DOK4: variants seen among roughly 807,000 people sequenced by gnomAD.
The protein encoded by DOK4 is downstream of tyrosine kinase 4.
A neutral mutation model predicts 40.1 loss-of-function variants in DOK4; 26 were observed. The ratio of observed to expected loss-of-function variants is 0.65; its 90% CI spans 0.48 to 0.90. The LOEUF (loss-of-function observed/expected upper bound fraction) is 0.90. Ranked by LOEUF, DOK4 falls within the 40% of genes least tolerant of loss-of-function variation. The pLI, the probability that DOK4 is intolerant of heterozygous loss-of-function variation, is 0.00. For missense variants in DOK4, 392 were observed against 437.2 expected, an observed-to-expected ratio of 0.90 and a Z score of 0.92; for synonymous variants, 179 against 177.0, an observed-to-expected ratio of 1.01 and a Z score of -0.09.
rs1384788636 is a variant in DOK4, at chr16:57,485,176, C to G, written c.-182+1129G>C. Among the ~76,000 whole-genome samples, 3 of 152,218 alleles carry G rather than the reference C, an allele frequency of 2.0e-5. No homozygotes were observed. Among genetic ancestry groups the G allele is most frequent in the African/African-American group, 7.2e-5 (3 of 41,458 alleles). The stretch of plus-strand genomic sequence containing the variant: ...CCAGCAGGCTGTTGTTACTGGAGAA[C>G]CAGCTGTGCCCAAGACCCGCAGTTT... On this transcript the variant is annotated intron_variant, in intron 1 of 8. Transcript: ENST00000340099. The surrounding 1 kb of genome is among the most constrained non-coding windows in gnomAD (Gnocchi z 4.3).
exon 9 of DOK4, chr16:57,472,201 TATC>T (rs2030881980): frequency 6.6e-6 from 1 of 152,430 alleles, no homozygotes; most frequent in Non-Finnish European, 1.5e-5. Flanking sequence ...CCGCGTGCTT[TATC>T]ATCCTCCTGC....
chr16:57,482,029 T>C (rs1253379483), intron 1 of DOK4, among the ~76,000 whole-genome samples: 1 of 152,102 alleles, frequency 6.6e-6, no homozygotes, highest in Admixed American at 6.6e-5. Context: ...CATGCTCGGC[T>C]AATTTTCGGT....
rs1012280843 is a variant in DOK4, at chr16:57,479,614, G to T, written c.-107C>A. ...AATCACCTGTTCCAGACACTCTGTC[G>T]GGGCTGCCGCGAGGGGCTGCTCCTC... On this transcript the variant is annotated 5_prime_UTR_variant, in exon 2 of 9. Transcript: ENST00000340099. The surrounding 1 kb of genome is among the most constrained non-coding windows in gnomAD (Gnocchi z 5.8). 9 of 1,272,218 alleles carry T rather than the reference G, an allele frequency of 7.1e-6. No individual in the cohort carries two copies. In the African/African-American group the frequency reaches 1.2e-4, roughly 17 times the overall value. The allele number at this position is 1,272,218 out of a possible 1,614,324, so 78.8% of individuals were successfully genotyped here.
chr16:57,484,327 T>G (rs2031490979), intron 1 of DOK4: 1 of 152,286 alleles, frequency 6.6e-6, no homozygotes, highest in African/African-American at 2.4e-5. Context: ...AGATTGGATC[T>G]GTGGGATTCT....
At chr16:57,474,471 G>A (rs2031046481) in intron 6 of DOK4, among the ~76,000 whole-genome samples, 1 of 152,146 alleles carries the variant, frequency 6.6e-6, no homozygotes, top group Admixed American at 6.5e-5. Context: ...AATTCTAGGA[G>A]GTTAGGTACT....
In DOK4 at chr16:57,485,987, G is replaced by C. The variant is rs1281871241; in HGVS notation, c.-182+318C>G. On this transcript the variant is annotated intron_variant, in intron 1 of 8. Coordinates refer to ENST00000340099, the Ensembl canonical transcript of DOK4. The surrounding 1 kb of genome is among the most constrained non-coding windows in gnomAD (Gnocchi z 4.3). The stretch of plus-strand genomic sequence containing the variant: ...AGGGGCTGGGTTATGCCCCTTCCGG[G>C]GGGGCAGGCCCGGGAGCGCAGGGCC... Among the ~76,000 whole-genome samples the C allele has an allele frequency of 6.6e-6, 1 of 152,176 alleles. No homozygotes were observed. The highest frequency in any genetic ancestry group is 2.4e-5 in the African/African-American group (1 of 41,460).
exon 9 of DOK4, chr16:57,472,901 A>C: frequency 6.3e-6 from 1 of 158,280 alleles, no homozygotes; most frequent in Non-Finnish European, 1.4e-5. Flanking sequence ...GGGAAAAGCC[A>C]GCAGTCAGAG....
Position 57,474,986 on chromosome 16 carries a change from G to C in DOK4, c.410-4C>G, listed in dbSNP as rs776536379. 2 of 1,605,340 alleles carry C rather than the reference G, an allele frequency of 1.2e-6. No homozygotes were observed. Among genetic ancestry groups the C allele is most frequent in the East Asian group, 2.2e-5 (1 of 44,740 alleles). Reference sequence around the variant, plus strand: ...AGCAGGAAGACATTGAAGCGATCTGGAGTGGGGGAGGGTGGACAAGTGGGA... The same window carrying C: ...AGCAGGAAGACATTGAAGCGATCTGCAGTGGGGGAGGGTGGACAAGTGGGA... On this transcript the variant is annotated splice_polypyrimidine_tract_variant and splice_region_variant and intron_variant, in intron 5 of 8. Coordinates refer to ENST00000340099, the Ensembl canonical transcript of DOK4.
At chr16:57,473,407 G>C in exon 9 of DOK4, 1 of 1,614,092 alleles carries the variant, frequency 6.2e-7, no homozygotes, top group Non-Finnish European at 8.5e-7. Context: ...CCTCACTGCT[G>C]TCCCCCTGGC....
intron 2 of DOK4, 138 bp from the exon 3 acceptor site, chr16:57,476,095 G>A: frequency 1.5e-6 from 1 of 686,314 alleles, no homozygotes; most frequent in South Asian, 1.7e-5. Context: ...GGACACCGGG[G>A]GTGGGAGTCA....
intron 5 of DOK4, 23 bp downstream of exon 5, chr16:57,475,077 C>T: frequency 6.2e-7 from 1 of 1,608,928 alleles, no homozygotes; most frequent in Non-Finnish European, 8.5e-7. Context: ...CTCCCCACCC[C>T]CAGGGCCAGG....
intron 2 of DOK4, 191 bp from the exon 3 acceptor site, chr16:57,476,148 T>C (rs995864427): frequency 2.6e-5 from 15 of 587,114 alleles, no homozygotes; most frequent in East Asian, 1.4e-4. Flanking sequence ...CCTCCCCAAA[T>C]TGAAAAGTCA....
At chr16:57,486,078 A>G (rs903817644) in intron 1 of DOK4, among the ~76,000 whole-genome samples, 1 of 151,810 alleles carries the variant, frequency 6.6e-6, no homozygotes, top group African/African-American at 2.4e-5. Context: ...GCTCCCCCGG[A>G]GAGGAAAGCT....
At position 57,479,479 on chromosome 16, in the gene DOK4, T is replaced by C. The variant is rs1467207362; in HGVS notation, c.29A>G (p.Lys10Arg). ...GCTCTTCATCTTCACGTAGCCTTGC[T>C]TGACGATGTCACTGAAATTGGTCGC... is the stretch of plus-strand genomic sequence containing the variant. The change falls in exon 2 of 9, where the codon AAG becomes AGG. Residue 10 changes from lysine (K) to arginine (R), a missense_variant. Transcript: ENST00000340099. This position sits in a 1 kb window ranked among gnomAD's most constrained non-coding sequence, Gnocchi z 5.8. 1 of 1,613,702 alleles carries C rather than the reference T, an allele frequency of 6.2e-7. No homozygotes were observed. The highest frequency in any genetic ancestry group is 8.5e-7 in the Non-Finnish European group (1 of 1,179,948).
At chr16:57,481,530 C>G (rs1369828722) in intron 1 of DOK4, 2 of 152,292 alleles carry the variant, frequency 1.3e-5, no homozygotes, top group African/African-American at 4.8e-5. Flanking sequence ...TCTGGGGCTG[C>G]CTTCTCCTCA....
chr16:57,475,188 T>C lies in DOK4; in HGVS notation c.321A>G (p.Leu107=), dbSNP rs1377706008. 1.9e-6 allele frequency: 3 copies of C among 1,613,944 alleles called. No individual in the cohort carries two copies. In the South Asian group the frequency reaches 3.3e-5, roughly 18 times the overall value. The stretch of plus-strand genomic sequence containing the variant: ...GGCGGGACCCCAGACACTCCACAGA[T>C]AGTGTCTTGTACCACTCCTCTGCCT... The change falls in exon 5 of 9, where the codon CTA becomes CTG. Residue 107 remains leucine (L), a synonymous_variant. Coordinates refer to ENST00000340099, the Ensembl canonical transcript of DOK4.
At chr16:57,473,429 T>A in exon 9 of DOK4, 1 of 1,614,184 alleles carries the variant, frequency 6.2e-7, no homozygotes, top group Non-Finnish European at 8.5e-7. Context: ...GGGCTTTGGC[T>A]TTAGCAGGAT....
Position 57,479,313 on chromosome 16 carries a change from C to T in DOK4, c.66+129G>A. The stretch of plus-strand genomic sequence containing the variant: ...AGCACGCTGGCGAGGAGCCCCGAGA[C>T]CACAGATGCACGATGCCCGGCAGCC... On this transcript the variant is annotated intron_variant, in intron 2 of 8. Coordinates refer to ENST00000340099, the Ensembl canonical transcript of DOK4. This position sits in a 1 kb window ranked among gnomAD's most constrained non-coding sequence, Gnocchi z 5.8. The T allele has an allele frequency of 1.9e-6, 2 of 1,039,256 alleles. No homozygotes were observed. Among genetic ancestry groups the T allele is most frequent in the Non-Finnish European group, 2.8e-6 (2 of 706,070 alleles). The allele number at this position is 1,039,256 out of a possible 1,614,324, so 64.4% of individuals were successfully genotyped here.
chr16:57,475,124 G>A, exon 5 of DOK4: 1 of 1,613,868 alleles, frequency 6.2e-7, no homozygotes, highest in South Asian at 1.1e-5. Flanking sequence ...TGCACCCCTG[G>A]GGCCAGGAGG....
Sources: allele counts gnomAD v4.1 joint callset (sites outside exome capture counted in the v4.1 genomes callset), GRCh38; gene constraint gnomAD v4.1.1; non-coding constraint Gnocchi (gnomAD v3.1); transcripts MANE v1.5; gene names NCBI Gene and HGNC (gene_info 2026-07-23, HGNC 2026-07-21).